Variants in TMEM132E observed in about 807,000 individuals in gnomAD.
The protein encoded by TMEM132E is transmembrane protein 132E.
In TMEM132E, 49 loss-of-function variants were observed where a neutral mutation model predicts 78.5. The ratio of observed to expected loss-of-function variants is 0.62; its 90% CI spans 0.50 to 0.79. TMEM132E has a LOEUF of 0.79. Among genes scored for constraint, TMEM132E ranks in the 30% least tolerant of loss-of-function variants. TMEM132E has a pLI of 0.00. For missense variants in TMEM132E, 1,403 were observed against 1,470.9 expected, an observed-to-expected ratio of 0.95 and a Z score of 0.75; for synonymous variants, 715 against 670.6, an observed-to-expected ratio of 1.07 and a Z score of -1.02.
intron 1 of TMEM132E, among the ~76,000 whole-genome samples, chr17:34,610,281 C>T (rs1167470700): frequency 6.6e-6 from 1 of 152,202 alleles, no homozygotes; most frequent in Non-Finnish European, 1.5e-5. Flanking sequence ...CAGTTCCCAG[C>T]AGGGTCTGGT....
Position 34,629,018 on chromosome 17 carries a change from C to T in TMEM132E, c.1152C>T (p.Gly384=). Reference sequence around the variant, plus strand: ...CCCTCCCCTACCCTGGCAGGGAGGGCCAGGGCCCCTTGGAGATCTTGCAGC... The same window carrying T: ...CCCTCCCCTACCCTGGCAGGGAGGGTCAGGGCCCCTTGGAGATCTTGCAGC... ...AQSTPLPPRE[G]QGPLEILQLD... is the part of the protein sequence containing the mutation. Residue 384 remains glycine, a synonymous_variant, in exon 4 of 9, where the codon GGC becomes GGT. Transcript: ENST00000631683. The T allele has an allele frequency of 6.4e-7, 1 of 1,564,058 alleles. No homozygotes were observed. The highest frequency in any genetic ancestry group is 8.7e-7 in the Non-Finnish European group (1 of 1,151,330).
At chr17:34,634,737 T>A in intron 6 of TMEM132E, 62 bp from the exon 7 acceptor site, 1 of 1,528,098 alleles carries the variant, frequency 6.5e-7, no homozygotes, top group Non-Finnish European at 8.8e-7. Flanking sequence ...GGGTGCGGGG[T>A]GTGTACTGTG....
At chr17:34,584,397 C>T (rs565551064) in intron 1 of TMEM132E, among the ~76,000 whole-genome samples, 1 of 152,250 alleles carries the variant, frequency 6.6e-6, no homozygotes, top group African/African-American at 2.4e-5. Flanking sequence ...CACCAGCAGT[C>T]CCCATACCCT....
chr17:34,616,198 A>T (rs955318855), intron 1 of TMEM132E, among the ~76,000 whole-genome samples: 5 of 152,250 alleles, frequency 3.3e-5, no homozygotes, highest in Non-Finnish European at 7.4e-5. Flanking sequence ...GTCAGCAGGC[A>T]GGAGGTCTCC....
chr17:34,602,222 G>T (rs1405824789), intron 1 of TMEM132E, among the ~76,000 whole-genome samples: 3 of 152,268 alleles, frequency 2.0e-5, no homozygotes, highest in Admixed American at 2.0e-4. Context: ...GACAGAGTCT[G>T]AAATGAACAA....
At position 34,626,947 on chromosome 17, in the gene TMEM132E, C is replaced by T; in HGVS notation, c.888C>T (p.Ile296=). 6.2e-7 allele frequency: 1 copy of T among 1,613,846 alleles called. No individual in the cohort carries two copies. The highest frequency in any genetic ancestry group is 8.5e-7 in the Non-Finnish European group (1 of 1,180,032). ...QEHRLDSNLM[I]RLPDRPLKPG... Reference sequence around the variant, plus strand: ...ACAGGCTGGACAGCAACCTGATGATCCGCCTGCCAGACCGGCCCCTCAAGC... The same window carrying T: ...ACAGGCTGGACAGCAACCTGATGATTCGCCTGCCAGACCGGCCCCTCAAGC... Residue 296 remains isoleucine, a synonymous_variant, in exon 2 of 9, where the codon ATC becomes ATT. Coordinates refer to ENST00000631683, the MANE Select transcript of TMEM132E (RefSeq NM_001304438.2).
chr17:34,597,691 T>G (rs752965733), intron 1 of TMEM132E, among the ~76,000 whole-genome samples: 1 of 152,154 alleles, frequency 6.6e-6, no homozygotes. Flanking sequence ...CACAGCCTTT[T>G]TTCAGTGTGG....
intron 1 of TMEM132E, among the ~76,000 whole-genome samples, chr17:34,586,338 C>G (rs920551643): frequency 1.3e-5 from 2 of 152,054 alleles, no homozygotes; most frequent in Non-Finnish European, 2.9e-5. Flanking sequence ...ATTTTTCCTT[C>G]TCTGTCTTCT....
chr17:34,583,542 G>A (rs948721913), intron 1 of TMEM132E, among the ~76,000 whole-genome samples: 2 of 152,210 alleles, frequency 1.3e-5, no homozygotes, highest in East Asian at 3.9e-4. Context: ...ATAGGGTCCG[G>A]GGACTTAGTC....
intron 1 of TMEM132E, among the ~76,000 whole-genome samples, chr17:34,607,470 CA>C (rs1223525043): frequency 1.3e-5 from 2 of 152,122 alleles, no homozygotes; most frequent in East Asian, 3.9e-4. Context: ...ACCAAATGTG[CA>C]GGATTTTATT....
chr17:34,580,360 G>C lies in TMEM132E; in HGVS notation c.-717G>C, dbSNP rs1905420662. 6.6e-6 allele frequency: 1 copy of C among 152,408 alleles called. No homozygotes were observed. Among genetic ancestry groups the C allele is most frequent in the Non-Finnish European group, 1.5e-5 (1 of 68,200 alleles). The allele number at this position is 152,408 out of a possible 1,614,324, so 9.4% of individuals were successfully genotyped here. A position where few individuals can be genotyped will look rare whatever the true frequency, so the allele number is the denominator to read the frequency against. On this transcript the variant is annotated 5_prime_UTR_variant, in exon 1 of 9. Coordinates refer to ENST00000631683, the MANE Select transcript of TMEM132E (RefSeq NM_001304438.2). ...GGAGCCTGGGCCCTGATCCAGACTG[G>C]AGAAAGCGCGCTGGAGCGGAGGAGC...
chr17:34,614,293 A>AT (rs1196877814), intron 1 of TMEM132E: 1 of 152,232 alleles, frequency 6.6e-6, no homozygotes, highest in Non-Finnish European at 1.5e-5. Context: ...CTATTCCTAC[A>AT]TCCCTGAGAC....
Position 34,627,037 on chromosome 17 carries a change from C to A in TMEM132E, c.978C>A (p.Ser326Arg), listed in dbSNP as rs763462557. ...ACTCCTCCTCGCCCTCCAGCCCCAG[C>A]GTGGAGCACTTCACACTCAGGTAGT... ...APNSSSPSSP[S>R]VEHFTLRVKA... The change falls in exon 2 of 9, where the codon AGC becomes AGA. Residue 326 changes from serine to arginine, a missense_variant. Physicochemically the swap from Ser to Arg is moderately radical, Grantham distance 110. Transcript: ENST00000631683. 4.4e-6 allele frequency: 7 copies of A among 1,595,002 alleles called. No individual in the cohort carries two copies. In the East Asian group the frequency reaches 6.9e-5, roughly 16 times the overall value.
chr17:34,628,528 A>T, intron 2 of TMEM132E, 35 bp from the exon 3 acceptor site: 1 of 1,611,692 alleles, frequency 6.2e-7, no homozygotes, highest in African/African-American at 1.3e-5. Context: ...CTGTAGCCTG[A>T]CCCTCTCCCT....
chr17:34,598,867 C>CA, intron 1 of TMEM132E, among the ~76,000 whole-genome samples: 1 of 152,274 alleles, frequency 6.6e-6, no homozygotes. Flanking sequence ...TGTTGAACTA[C>CA]AGCACTCTTG....
rs3048841 is a variant in TMEM132E at position 34,615,517 on chromosome 17, ATGTG to A, written c.68-10578_68-10575del. On this transcript the variant is annotated intron_variant, in intron 1 of 8. Coordinates refer to ENST00000631683, the MANE Select transcript of TMEM132E (RefSeq NM_001304438.2). ...GCCTGCAAGGGGAAGACTGGCACAGATGTGTGTGTGTGTGTGTGTGTGTGTGTGT... is the reference window on the plus strand; with the variant it reads ...GCCTGCAAGGGGAAGACTGGCACAGATGTGTGTGTGTGTGTGTGTGTGTGT... Among the ~76,000 whole-genome samples, 980 of 140,862 alleles carry A rather than the reference ATGTG, an allele frequency of 7.0e-3. 7 individuals carry two copies. Among genetic ancestry groups the A allele is most frequent in the African/African-American group, 0.019 (707 of 38,040 alleles). 92.4% of individuals were successfully genotyped at this position (140,862 alleles called of 152,430 possible). A position where few individuals can be genotyped will look rare whatever the true frequency, so the allele number is the denominator to read the frequency against.
rs566810741 is a variant in TMEM132E, at chr17:34,628,717, C to T, written c.1145+8C>T. 100 of 1,577,902 alleles carry T rather than the reference C, an allele frequency of 6.3e-5. No individual in the cohort carries two copies. Among genetic ancestry groups the T allele is most frequent in the South Asian group, 9.1e-5 (8 of 87,528 alleles). On this transcript the variant is annotated splice_region_variant and intron_variant, in intron 3 of 8. Transcript: ENST00000631683. ...CACACCCCTGCCCCCCAGGTGAGCCCGAGGTGGTGCATCTACCCACCTCTT... is the reference window on the plus strand; with the variant it reads ...CACACCCCTGCCCCCCAGGTGAGCCTGAGGTGGTGCATCTACCCACCTCTT...
chr17:34,637,360 G>A lies in TMEM132E; in HGVS notation c.2353G>A (p.Ala785Thr). 3 of 1,613,988 alleles carry A rather than the reference G, an allele frequency of 1.9e-6. No homozygotes were observed. Among genetic ancestry groups the A allele is most frequent in the African/African-American group, 1.3e-5 (1 of 75,078 alleles). The change falls in exon 9 of 9, where the codon GCA (alanine) becomes ACA (threonine). Residue 785 changes from alanine (A) to threonine (T), a missense_variant. By Grantham distance (58) the Ala-to-Thr change is moderately conservative. This residue lies in a region of TMEM132E where 888 missense variants were observed against 952.8 expected (regional missense o/e 0.93). Coordinates refer to ENST00000631683, the MANE Select transcript of TMEM132E (RefSeq NM_001304438.2). Reference sequence around the variant, plus strand: ...CGAGGGGTCAGGGGAGCTGCTTCGCGCAGAGCTAACCATCGCTGAGAGCTG... The same window carrying A: ...CGAGGGGTCAGGGGAGCTGCTTCGCACAGAGCTAACCATCGCTGAGAGCTG... ...EAEGSGELLR[A>T]ELTIAESCQK...
rs924629587 is a variant in TMEM132E at position 34,626,891 on chromosome 17, C to T, written c.832C>T (p.Arg278Cys). 2 of 1,612,344 alleles carry T rather than the reference C, an allele frequency of 1.2e-6. No individual in the cohort carries two copies. The highest frequency in any genetic ancestry group is 1.7e-5 in the Admixed American group (1 of 59,990). Residue 278 changes from arginine to cysteine, a missense_variant, in exon 2 of 9, where the codon CGC (arginine) becomes TGC (cysteine). Physicochemically the swap from Arg to Cys is radical, Grantham distance 180 (BLOSUM62 -3). This residue lies in a region of TMEM132E where 511 missense variants were observed against 499.0 expected (regional missense o/e 1.02). Coordinates refer to ENST00000631683, the MANE Select transcript of TMEM132E (RefSeq NM_001304438.2). ...LLRIGSISLF[R>C]PPPRRTLQEH... Reference sequence around the variant, plus strand: ...GCGCATCGGGAGCATCAGCCTGTTCCGCCCGCCCCCCAGGAGGACCCTGCA... The same window carrying T: ...GCGCATCGGGAGCATCAGCCTGTTCTGCCCGCCCCCCAGGAGGACCCTGCA...
Sources: gnomAD v4.1 joint callset for allele counts (sites outside exome capture counted in the v4.1 genomes callset) on GRCh38, gnomAD v4.1.1 for gene constraint, gnomAD v4.1.1 regional missense constraint, MANE v1.5 for transcripts, NCBI Gene and HGNC (gene_info 2026-07-23, HGNC 2026-07-21) for gene names.